The following MYO5B variants were observed in gnomAD, a reference collection of about 807,000 sequenced individuals.
MYO5B encodes myosin VB, also known as unconventional myosin-Vb.
MYO5B carries 143 observed loss-of-function variants against 229.3 expected under a neutral mutation model. The observed-to-expected ratio is 0.62, with a 90% CI of 0.54 to 0.72. The LOEUF (loss-of-function observed/expected upper bound fraction) is 0.72. MYO5B is among the 30% of genes least tolerant of loss of function. The pLI, the probability that MYO5B is intolerant of heterozygous loss-of-function variation, is 0.00. For synonymous variants in MYO5B, 918 were observed against 885.2 expected, an observed-to-expected ratio of 1.04 and a Z score of -0.66; for missense variants, 2,321 against 2,331.0, an observed-to-expected ratio of 1.00 and a Z score of 0.09.
chr18:50,172,372 C>A lies in MYO5B; in HGVS notation c.27+22395G>T, dbSNP rs575479252. 3.3e-5 allele frequency among the ~76,000 whole-genome samples: 5 copies of A among 150,842 alleles called. 1 individual carries two copies. The South Asian group carries it at 1.1e-3, about 32-fold the overall frequency. On this transcript the variant is annotated intron_variant, in intron 1 of 39. Transcript: ENST00000285039. ...TGGCCAGACTGTTTTTTCTCTTATA[C>A]GATGGCCCAGATAAGAAAGTACACT...
At chr18:50,019,141 GAA>G (rs1231866293) in intron 4 of MYO5B, among the ~76,000 whole-genome samples, 1 of 152,144 alleles carries the variant, frequency 6.6e-6, no homozygotes, top group Non-Finnish European at 1.5e-5. Context: ...ATTGACATTT[GAA>G]AAGAGAAAAA....
chr18:49,990,708 T>G (rs2025922493), intron 6 of MYO5B, among the ~76,000 whole-genome samples, 188 bp from the exon 7 acceptor site: 1 of 152,334 alleles, frequency 6.6e-6, no homozygotes, highest in African/African-American at 2.4e-5. Flanking sequence ...TGGGGACTTC[T>G]TCCAACCTGA....
intron 17 of MYO5B, among the ~76,000 whole-genome samples, chr18:49,915,117 A>G (rs114638571): frequency 2.6e-3 from 393 of 152,278 alleles, no homozygotes; most frequent in African/African-American, 9.3e-3. Context: ...GCAAATACCA[A>G]AATGACATCT....
chr18:49,921,256 G>GTTT (rs11306054), intron 17 of MYO5B, among the ~76,000 whole-genome samples: 5 of 121,834 alleles, frequency 4.1e-5, no homozygotes, highest in African/African-American at 5.9e-5. Context: ...TTCAAGCAGA[G>GTTT]TTTTTTTTTT....
intron 29 of MYO5B, among the ~76,000 whole-genome samples, chr18:49,857,762 G>A (rs949534393): frequency 3.3e-5 from 5 of 152,336 alleles, no homozygotes; most frequent in Admixed American, 2.0e-4. Context: ...GAGGTCAGGT[G>A]TGTCCAATGT....
intron 1 of MYO5B, among the ~76,000 whole-genome samples, chr18:50,112,490 G>T (rs1004806309): frequency 6.6e-6 from 1 of 152,144 alleles, no homozygotes; most frequent in South Asian, 2.1e-4. Context: ...CTCCAAAGAC[G>T]GCCGCATGGG....
chr18:49,963,413 TTA>T (rs1322509577), intron 10 of MYO5B, among the ~76,000 whole-genome samples: 17 of 150,024 alleles, frequency 1.1e-4, no homozygotes, highest in Non-Finnish European at 2.5e-4. Context: ...AATTAATTAA[TTA>T]ATTTATTTAT....
chr18:49,859,404 C>G (rs2024301952), intron 29 of MYO5B, among the ~76,000 whole-genome samples: 1 of 152,224 alleles, frequency 6.6e-6, no homozygotes, highest in African/African-American at 2.4e-5. Flanking sequence ...AGTTAAGAAC[C>G]TGCCTTCCTG....
intron 1 of MYO5B, among the ~76,000 whole-genome samples, chr18:50,166,117 G>A (rs1157479376): frequency 1.3e-5 from 2 of 152,160 alleles, no homozygotes; most frequent in African/African-American, 4.8e-5. Context: ...CAGCACCATT[G>A]AGCAGGCGGG....
intron 32 of MYO5B, among the ~76,000 whole-genome samples, chr18:49,848,818 C>T (rs1022649856): frequency 6.6e-6 from 1 of 152,052 alleles, no homozygotes; most frequent in Admixed American, 6.6e-5. Flanking sequence ...AAGTGTCCCC[C>T]TGGATAGAGA....
At chr18:50,005,579 G>A (rs1034446114) in intron 4 of MYO5B, among the ~76,000 whole-genome samples, 3 of 152,150 alleles carry the variant, frequency 2.0e-5, no homozygotes, top group Non-Finnish European at 4.4e-5. Context: ...ACCACATCTG[G>A]CTAATTTTTC....
chr18:49,871,124 C>T (rs2024451445), intron 27 of MYO5B, among the ~76,000 whole-genome samples: 2 of 152,162 alleles, frequency 1.3e-5, no homozygotes, highest in Admixed American at 1.3e-4. Context: ...TGGACACATA[C>T]TACAATAGAG....
intron 22 of MYO5B, among the ~76,000 whole-genome samples, chr18:49,890,237 CT>C (rs2024693934): frequency 6.6e-6 from 1 of 152,214 alleles, no homozygotes; most frequent in African/African-American, 2.4e-5. Context: ...ATGGCCCCCA[CT>C]TTGTGGTGTC....
chr18:50,129,621 C>T (rs1408837064), intron 1 of MYO5B, among the ~76,000 whole-genome samples: 1 of 152,136 alleles, frequency 6.6e-6, no homozygotes, highest in Non-Finnish European at 1.5e-5. Context: ...CCCTATGAAA[C>T]ATCATCTCCA....
intron 26 of MYO5B, among the ~76,000 whole-genome samples, chr18:49,875,430 G>A (rs536602761): frequency 6.6e-6 from 1 of 152,138 alleles, no homozygotes; most frequent in South Asian, 2.1e-4. Flanking sequence ...TTGCAAGTAG[G>A]TGATGATGCC....
chr18:49,877,997 G>T, intron 24 of MYO5B, 115 bp from the exon 25 acceptor site: 3 of 1,263,784 alleles, frequency 2.4e-6, no homozygotes, highest in Non-Finnish European at 3.5e-6. Context: ...ACAAGAATAG[G>T]TATCATTGCT....
At chr18:49,876,219 G>A (rs645644) in intron 25 of MYO5B, 271,718 of 321,548 alleles carry the variant, frequency 0.85, 115,191 homozygotes, top group East Asian at 0.96. Flanking sequence ...TTCCTGATGA[G>A]GAATCAACAT....
intron 26 of MYO5B, among the ~76,000 whole-genome samples, chr18:49,874,756 A>G (rs892566005): frequency 6.6e-6 from 1 of 152,196 alleles, no homozygotes; most frequent in Non-Finnish European, 1.5e-5. Flanking sequence ...CAAACCCACT[A>G]TGAGTTCAGC....
At chr18:49,894,486 C>T (rs1031554845) in intron 22 of MYO5B, among the ~76,000 whole-genome samples, 2 of 152,188 alleles carry the variant, frequency 1.3e-5, no homozygotes, top group African/African-American at 4.8e-5. Context: ...GTGGGTGTGA[C>T]AGGCTGAGAC....
Sources: allele counts gnomAD v4.1 joint callset (sites outside exome capture counted in the v4.1 genomes callset), GRCh38; gene constraint gnomAD v4.1.1; transcripts MANE v1.5; gene names NCBI Gene and HGNC (gene_info 2026-07-23, HGNC 2026-07-21).